Variants in PTPRO observed in about 807,000 individuals in gnomAD.
The protein encoded by PTPRO is receptor-type tyrosine-protein phosphatase O.
PTPRO carries 62 observed loss-of-function variants against 145.2 expected under a neutral mutation model. The observed-to-expected ratio is 0.43, with a 90% CI of 0.35 to 0.53. The LOEUF (loss-of-function observed/expected upper bound fraction) is 0.53, where lower values mean the gene tolerates loss of function less well. PTPRO is among the 20% of genes least tolerant of loss of function. The probability of loss-of-function intolerance (pLI) is 0.01; values close to 1 mark genes in which losing one functional copy is unlikely to be tolerated. For missense variants in PTPRO, 1,345 were observed against 1,482.7 expected, an observed-to-expected ratio of 0.91 and a Z score of 1.53; for synonymous variants, 565 against 514.7, an observed-to-expected ratio of 1.10 and a Z score of -1.32.
intron 1 of PTPRO, among the ~76,000 whole-genome samples, chr12:15,463,741 C>T (rs937344262): frequency 6.6e-6 from 1 of 152,170 alleles, no homozygotes; most frequent in African/African-American, 2.4e-5. Flanking sequence ...TCATGCTTCT[C>T]TTCCTACTAG....
chr12:15,339,490 ATT>A (rs781435811), intron 1 of PTPRO, among the ~76,000 whole-genome samples: 6 of 152,194 alleles, frequency 3.9e-5, no homozygotes, highest in Non-Finnish European at 8.8e-5. Context: ...TTTAGCTTTA[ATT>A]GATTTTATAA....
intron 1 of PTPRO, among the ~76,000 whole-genome samples, chr12:15,350,428 G>C (rs1937763962): frequency 1.3e-5 from 2 of 152,134 alleles, no homozygotes. Context: ...TGCTTAATGA[G>C]CATACTGACT....
In PTPRO at chr12:15,522,557, C is replaced by A. The variant is rs1033720589; in HGVS notation, c.1891+2245C>A. Among the ~76,000 whole-genome samples, 4 of 151,938 alleles carry A rather than the reference C, an allele frequency of 2.6e-5. No homozygotes were observed. The East Asian group carries it at 7.7e-4, about 29-fold the overall frequency. On this transcript the variant is annotated intron_variant, in intron 10 of 26. Coordinates refer to ENST00000281171, the MANE Select transcript of PTPRO (RefSeq NM_030667.3). The stretch of plus-strand genomic sequence containing the variant: ...ACGCGTGTGTGTGTGATTTTTTTTA[C>A]CTTCTTATTTAAAGCAAATAAGAAT...
intron 2 of PTPRO, among the ~76,000 whole-genome samples, chr12:15,493,369 GA>G (rs1377771415): frequency 6.6e-6 from 1 of 151,890 alleles, no homozygotes; most frequent in Non-Finnish European, 1.5e-5. Flanking sequence ...ATTTCAGCAA[GA>G]AAAAAGGTGA....
intron 7 of PTPRO, among the ~76,000 whole-genome samples, chr12:15,512,472 T>C (rs1942462538): frequency 6.6e-6 from 1 of 152,128 alleles, no homozygotes; most frequent in African/African-American, 2.4e-5. Flanking sequence ...TATTTATGTG[T>C]ATATGTTAGA....
At chr12:15,525,547 C>T (rs1002861618) in intron 11 of PTPRO, among the ~76,000 whole-genome samples, 3 of 152,142 alleles carry the variant, frequency 2.0e-5, no homozygotes, top group Non-Finnish European at 4.4e-5. Flanking sequence ...GTCCTTGTCT[C>T]TAGAGAGGAA....
intron 11 of PTPRO, 34 bp downstream of exon 11, chr12:15,524,999 G>A (rs1280707998): frequency 5.6e-6 from 9 of 1,609,772 alleles, no homozygotes; most frequent in Admixed American, 3.3e-5. Context: ...TTGTGTGTCT[G>A]TAAATTTAGT....
intron 13 of PTPRO, among the ~76,000 whole-genome samples, chr12:15,548,514 A>ATG (rs1478638005): frequency 6.9e-6 from 1 of 145,580 alleles, no homozygotes; most frequent in Admixed American, 6.9e-5. Context: ...GTGTGTATAT[A>ATG]TGTGTGTATA....
chr12:15,374,105 A>T (rs934652757), intron 1 of PTPRO, among the ~76,000 whole-genome samples: 1 of 152,230 alleles, frequency 6.6e-6, no homozygotes, highest in East Asian at 1.9e-4. Context: ...ATGTTTAAAC[A>T]TAACATATTT....
rs143651688 is a variant in PTPRO, at chr12:15,530,006, T to C, written c.2164+3744T>C. On this transcript the variant is annotated intron_variant, in intron 12 of 26. Coordinates refer to ENST00000281171, the MANE Select transcript of PTPRO (RefSeq NM_030667.3). ...TTCACCTGTAAAGACACACAGGGACTGAAAGTGAAGGGGTGGAAAAAGATA... is the reference window on the plus strand; with the variant it reads ...TTCACCTGTAAAGACACACAGGGACCGAAAGTGAAGGGGTGGAAAAAGATA... Among the ~76,000 whole-genome samples the C allele has an allele frequency of 4.8e-3, 735 of 152,230 alleles. 6 individuals carry two copies. Among genetic ancestry groups the C allele is most frequent in the African/African-American group, 0.017 (706 of 41,542 alleles).
chr12:15,371,572 G>C (rs186467323), intron 1 of PTPRO, among the ~76,000 whole-genome samples: 1 of 152,090 alleles, frequency 6.6e-6, no homozygotes, highest in Non-Finnish European at 1.5e-5. Flanking sequence ...ACAATAAGAT[G>C]ATCAGCCCTA....
intron 1 of PTPRO, among the ~76,000 whole-genome samples, chr12:15,434,812 T>C (rs1411010447): frequency 1.3e-5 from 2 of 152,218 alleles, no homozygotes; most frequent in Admixed American, 6.5e-5. Context: ...TCACTGATTA[T>C]CACAAAGAAA....
chr12:15,585,137 A>G (rs1944404135), intron 23 of PTPRO, among the ~76,000 whole-genome samples: 1 of 152,206 alleles, frequency 6.6e-6, no homozygotes, highest in South Asian at 2.1e-4. Context: ...TGCACTTTTT[A>G]ACTGAATACA....
intron 12 of PTPRO, among the ~76,000 whole-genome samples, chr12:15,543,809 A>C (rs1051780162): frequency 6.6e-6 from 1 of 152,212 alleles, no homozygotes; most frequent in Non-Finnish European, 1.5e-5. Context: ...GGAGGAGGTA[A>C]GACTTTTTCT....
chr12:15,454,270 G>T (rs904117514), intron 1 of PTPRO, among the ~76,000 whole-genome samples: 1 of 152,162 alleles, frequency 6.6e-6, no homozygotes, highest in African/African-American at 2.4e-5. Flanking sequence ...GTTGTGCAAT[G>T]ATAAGTCACT....
intron 10 of PTPRO, among the ~76,000 whole-genome samples, chr12:15,523,110 T>A (rs1337190995): frequency 6.6e-6 from 1 of 152,250 alleles, no homozygotes; most frequent in East Asian, 1.9e-4. Flanking sequence ...ACTATATAAG[T>A]GCTACTCGTA....
chr12:15,585,070 C>T (rs1298027317), intron 23 of PTPRO, among the ~76,000 whole-genome samples: 3 of 152,182 alleles, frequency 2.0e-5, no homozygotes, highest in East Asian at 1.9e-4. Context: ...GGACCCCTGC[C>T]GTGTAGCTGC....
intron 1 of PTPRO, among the ~76,000 whole-genome samples, chr12:15,325,335 C>T (rs1015460696): frequency 6.6e-6 from 1 of 152,138 alleles, no homozygotes; most frequent in Non-Finnish European, 1.5e-5. Flanking sequence ...TAATCAGTTC[C>T]ATTGAGGGAG....
chr12:15,361,438 C>CAAAAAAAAA (rs71042244), intron 1 of PTPRO, among the ~76,000 whole-genome samples: 5 of 71,246 alleles, frequency 7.0e-5, no homozygotes, highest in Non-Finnish European at 1.3e-4. Flanking sequence ...GACTCAGTCT[C>CAAAAAAAAA]AAAAAAAAAA....
Sources: allele counts gnomAD v4.1 joint callset (sites outside exome capture counted in the v4.1 genomes callset), GRCh38; gene constraint gnomAD v4.1.1; transcripts MANE v1.5; gene names NCBI Gene and HGNC (gene_info 2026-07-23, HGNC 2026-07-21).